Variants in ST18 observed in about 807,000 individuals in gnomAD.
The protein encoded by ST18 is suppression of tumorigenicity 18 protein.
Under a neutral mutation model 110.0 loss-of-function variants are expected in ST18, and 50 were observed. That is an observed-to-expected ratio of 0.45 (90% CI 0.36 to 0.58). The LOEUF (loss-of-function observed/expected upper bound fraction) is 0.58. ST18 is among the 20% of genes least tolerant of loss of function. ST18 has a pLI of 0.00. For missense variants in ST18, 1,306 were observed against 1,280.1 expected, an observed-to-expected ratio of 1.02 and a Z score of -0.31; for synonymous variants, 461 against 452.4, an observed-to-expected ratio of 1.02 and a Z score of -0.24.
At chr8:52,233,678 C>A (rs1564214956) in intron 2 of ST18, among the ~76,000 whole-genome samples, 2 of 152,122 alleles carry the variant, frequency 1.3e-5, no homozygotes, top group African/African-American at 2.4e-5. Flanking sequence ...GGCGTTTCGT[C>A]CAATGCTTAT....
chr8:52,335,140 T>A (rs1004017632), intron 2 of ST18, among the ~76,000 whole-genome samples: 1 of 152,212 alleles, frequency 6.6e-6, no homozygotes, highest in Non-Finnish European at 1.5e-5. Context: ...AGCTATCTTA[T>A]GACTTCAGAC....
At position 52,142,991 on chromosome 8, in the gene ST18, C is replaced by T. The variant is rs1406334322; in HGVS notation, c.2107G>A (p.Ala703Thr). 6.2e-7 allele frequency: 1 copy of T among 1,613,912 alleles called. No individual in the cohort carries two copies. Among genetic ancestry groups the T allele is most frequent in the Non-Finnish European group, 8.5e-7 (1 of 1,180,004 alleles). Reference sequence around the variant, plus strand: ...TTGGGTTTAGGGCTTGGTATAGAGGCCTCTCCAGGAAACTTTTTTTCCTCT... The same window carrying T: ...TTGGGTTTAGGGCTTGGTATAGAGGTCTCTCCAGGAAACTTTTTTTCCTCT... Reference protein sequence around the residue: ...NLEEKKFPGEASIPSPKPKLH... With the variant: ...NLEEKKFPGETSIPSPKPKLH... The change falls in exon 17 of 26, where the codon GCC (alanine) becomes ACC (threonine). Residue 703 changes from alanine (A) to threonine (T), a missense_variant. Ala to Thr is a moderately conservative substitution (Grantham distance 58). Coordinates refer to ENST00000689386, the MANE Select transcript of ST18 (RefSeq NM_001352837.2).
chr8:52,276,227 T>TACACACACC (rs2095258769), intron 2 of ST18, among the ~76,000 whole-genome samples: 1 of 1,934 alleles, frequency 5.2e-4, no homozygotes, highest in Admixed American at 4.3e-3. Flanking sequence ...AATTACACAC[T>TACACACACC]ACACACACCA....
In ST18 at chr8:52,167,240, G is replaced by T. The variant is rs565356738; in HGVS notation, c.1070-254C>A. On this transcript the variant is annotated intron_variant, in intron 10 of 25. Coordinates refer to ENST00000689386, the MANE Select transcript of ST18 (RefSeq NM_001352837.2). ...TAAAATACAGAGATGGTTTTAAGTC[G>T]TCAAGTCACATATTGTAGTTAGAGC... 7.2e-5 allele frequency among the ~76,000 whole-genome samples: 11 copies of T among 152,268 alleles called. 1 individual carries two copies. In the South Asian group the frequency reaches 2.3e-3, roughly 32 times the overall value.
intron 2 of ST18, among the ~76,000 whole-genome samples, chr8:52,352,006 G>A (rs1477050647): frequency 3.3e-5 from 5 of 152,126 alleles, no homozygotes; most frequent in African/African-American, 1.2e-4. Flanking sequence ...TGGAAATTCA[G>A]AAAACAATGT....
At chr8:52,328,099 A>G (rs945786107) in intron 2 of ST18, among the ~76,000 whole-genome samples, 16 of 152,344 alleles carry the variant, frequency 1.1e-4, no homozygotes, top group East Asian at 3.9e-4. Flanking sequence ...GAGTGAGAGA[A>G]TAGCCCCAGG....
intron 2 of ST18, among the ~76,000 whole-genome samples, chr8:52,272,243 G>A (rs562648759): frequency 3.3e-5 from 5 of 152,128 alleles, no homozygotes; most frequent in Admixed American, 3.3e-4. Flanking sequence ...GCCCAGGAAA[G>A]GGAACAATCA....
intron 8 of ST18, among the ~76,000 whole-genome samples, chr8:52,208,130 T>C (rs1332805664): frequency 2.0e-5 from 3 of 152,250 alleles, no homozygotes; most frequent in Admixed American, 2.0e-4. Context: ...AAGATGAGAA[T>C]GTCAGTATCA....
rs182963298 is a variant in ST18, at chr8:52,239,804, C to T, written c.-464-9727G>A. Among the ~76,000 whole-genome samples, 9 of 152,082 alleles carry T rather than the reference C, an allele frequency of 5.9e-5. No homozygotes were observed. In the East Asian group the frequency reaches 1.7e-3, roughly 30 times the overall value. On this transcript the variant is annotated intron_variant, in intron 2 of 25. Transcript: ENST00000689386. ...CGGTTTCCATTTCCCAACCCCAAAC[C>T]CCTTTTTTGAGACAGGTCTCACTCT... is the stretch of plus-strand genomic sequence containing the variant.
chr8:52,243,462 C>T (rs759424001), intron 2 of ST18, among the ~76,000 whole-genome samples: 1 of 152,084 alleles, frequency 6.6e-6, no homozygotes, highest in Non-Finnish European at 1.5e-5. Context: ...GGTTTTTCCT[C>T]TCTATTCTGT....
chr8:52,244,909 T>C (rs2093719530), intron 2 of ST18, among the ~76,000 whole-genome samples: 1 of 152,196 alleles, frequency 6.6e-6, no homozygotes, highest in Non-Finnish European at 1.5e-5. Flanking sequence ...TGGTATACAC[T>C]GGTGTCTTTC....
chr8:52,298,661 G>T (rs1181982252), intron 2 of ST18, among the ~76,000 whole-genome samples: 1 of 152,134 alleles, frequency 6.6e-6, no homozygotes, highest in East Asian at 1.9e-4. Flanking sequence ...GCATTCAACT[G>T]CATGGAGCCA....
At chr8:52,366,992 G>A (rs906353892) in intron 2 of ST18, among the ~76,000 whole-genome samples, 3 of 152,156 alleles carry the variant, frequency 2.0e-5, no homozygotes, top group African/African-American at 7.2e-5. Context: ...CAGGACTTTG[G>A]GGGGCTGAGG....
chr8:52,404,536 C>A (rs1210540843), intron 2 of ST18: 2 of 152,260 alleles, frequency 1.3e-5, no homozygotes, highest in African/African-American at 4.8e-5. Context: ...GAAGGCTGAA[C>A]CAGATGTAAC....
intron 4 of ST18, 135 bp downstream of exon 4, chr8:52,221,505 G>C (rs1391470038): frequency 1.3e-5 from 2 of 152,124 alleles, no homozygotes; most frequent in Non-Finnish European, 2.9e-5. Context: ...TGGCCCTTGA[G>C]AGAAAACTTT....
At chr8:52,141,387 G>T (rs1274493440) in intron 17 of ST18, among the ~76,000 whole-genome samples, 1 of 152,224 alleles carries the variant, frequency 6.6e-6, no homozygotes, top group Non-Finnish European at 1.5e-5. Context: ...CAATGGTGTG[G>T]ACAAGGTACA....
chr8:52,381,200 C>G (rs955742512), intron 2 of ST18, among the ~76,000 whole-genome samples: 1 of 152,118 alleles, frequency 6.6e-6, no homozygotes, highest in Non-Finnish European at 1.5e-5. Context: ...CAGCTACCTG[C>G]GGACTAAAAA....
In ST18 at chr8:52,131,858, T is replaced by G. The variant is rs1237433467; in HGVS notation, c.2666+100A>C. ...TGTTATGACATCTCAACTGCTACAG[T>G]GAACAACCTTTAGGGGGTTGTTCAC... On this transcript the variant is annotated intron_variant, in intron 22 of 25. Transcript: ENST00000689386. 2.8e-6 allele frequency: 3 copies of G among 1,072,448 alleles called. No homozygotes were observed. In the African/African-American group the frequency reaches 4.8e-5, roughly 17 times the overall value. The allele number at this position is 1,072,448 out of a possible 1,614,324, so 66.4% of individuals were successfully genotyped here.
intron 8 of ST18, chr8:52,206,794 T>C (rs966466383): frequency 2.0e-5 from 3 of 152,244 alleles, no homozygotes; most frequent in Non-Finnish European, 4.4e-5. Flanking sequence ...ATAGTAGTTA[T>C]GCTATTAAAT....
Sources: allele counts gnomAD v4.1 joint callset (sites outside exome capture counted in the v4.1 genomes callset), GRCh38; gene constraint gnomAD v4.1.1; transcripts MANE v1.5; gene names NCBI Gene and HGNC (gene_info 2026-07-23, HGNC 2026-07-21).